FAM167A: variants seen among roughly 807,000 people sequenced by gnomAD.
FAM167A encodes protein FAM167A.
FAM167A carries 23 observed loss-of-function variants against 14.9 expected under a neutral mutation model. The ratio of observed to expected loss-of-function variants is 1.55; its 90% CI spans 1.11 to 2.19. The LOEUF is 2.19. Among genes scored for constraint, FAM167A ranks in the 30% most tolerant of loss-of-function variants. The pLI, the probability that FAM167A is intolerant of heterozygous loss-of-function variation, is 0.00. For synonymous variants in FAM167A, 174 were observed against 117.7 expected (o/e 1.48, Z -3.10); for missense variants, 401 against 281.5 (o/e 1.42, Z -3.04).
At chr8:11,460,985 C>A (rs1049910778) in intron 1 of FAM167A, among the ~76,000 whole-genome samples, 1 of 152,256 alleles carries the variant, frequency 6.6e-6, no homozygotes, top group Non-Finnish European at 1.5e-5. Flanking sequence ...AGTCCTCCTG[C>A]AGGAAGGCTG....
In FAM167A at chr8:11,432,469, ACTC is replaced by A. The variant is rs199841933; in HGVS notation, c.382-7836_382-7834del. 8.5e-3 allele frequency among the ~76,000 whole-genome samples: 1,299 copies of A among 152,326 alleles called. 12 individuals carry two copies. The highest frequency in any genetic ancestry group is 0.029 in the African/African-American group (1,216 of 41,576). ...TGTAGCCAACAGACAAATAAAAAAC[ACTC>A]ATCATCACTGGTCATTAGAGAAATG... On this transcript the variant is annotated intron_variant, in intron 2 of 2. Transcript: ENST00000284486.
At chr8:11,441,372 G>C (rs1003983026) in intron 2 of FAM167A, among the ~76,000 whole-genome samples, 7 of 152,184 alleles carry the variant, frequency 4.6e-5, no homozygotes, top group African/African-American at 1.7e-4. Context: ...TGTCACCTTA[G>C]AGCTTGTTGG....
chr8:11,471,420 T>G (rs1807957677), upstream of FAM167A, among the ~76,000 whole-genome samples: 1 of 152,080 alleles, frequency 6.6e-6, no homozygotes, highest in Non-Finnish European at 1.5e-5. Flanking sequence ...GTTGTTTCTG[T>G]GTTTCTGCTG....
chr8:11,471,047 G>A (rs1278809560), upstream of FAM167A, among the ~76,000 whole-genome samples: 13 of 152,186 alleles, frequency 8.5e-5, no homozygotes, highest in African/African-American at 3.1e-4. Flanking sequence ...TGTGGCGCAC[G>A]TGGCTTTTTG....
At position 11,428,388 on chromosome 8, in the gene FAM167A, A is replaced by T. The variant is rs941454097; in HGVS notation, c.382-3752T>A. Among the ~76,000 whole-genome samples the T allele has an allele frequency of 3.3e-5, 5 of 152,218 alleles. No individual in the cohort carries two copies. The East Asian group carries it at 5.8e-4, about 18-fold the overall frequency. On this transcript the variant is annotated intron_variant, in intron 2 of 2. Transcript: ENST00000284486. ...GTAAGGCCTGTGTCAGTTTCCATGGACTGGACAAAGGCCGCCTGGATGGCG... is the reference window on the plus strand; with the variant it reads ...GTAAGGCCTGTGTCAGTTTCCATGGTCTGGACAAAGGCCGCCTGGATGGCG...
intron 1 of FAM167A, among the ~76,000 whole-genome samples, chr8:11,448,861 G>C (rs1381164926): frequency 1.3e-5 from 2 of 152,228 alleles, no homozygotes; most frequent in African/African-American, 4.8e-5. Context: ...GAGCACCCAG[G>C]CTCAGTCCTT....
chr8:11,446,879 C>T (rs758792454), intron 1 of FAM167A, among the ~76,000 whole-genome samples: 2 of 152,234 alleles, frequency 1.3e-5, no homozygotes, highest in Non-Finnish European at 2.9e-5. Flanking sequence ...TCTGGGGCAG[C>T]TGCACCTACA....
chr8:11,438,097 G>C, intron 2 of FAM167A: 1 of 456,402 alleles, frequency 2.2e-6, no homozygotes, highest in Non-Finnish European at 4.4e-6. Flanking sequence ...CCCCACCCCA[G>C]CACGGAAGCC....
chr8:11,454,783 C>T (rs556616815), intron 1 of FAM167A, among the ~76,000 whole-genome samples: 3 of 152,320 alleles, frequency 2.0e-5, no homozygotes, highest in East Asian at 3.9e-4. Context: ...AAACCCAACA[C>T]TTATCTCACC....
chr8:11,474,049 A>C (rs1280655253), intron 1 of FAM167A, among the ~76,000 whole-genome samples: 2 of 151,692 alleles, frequency 1.3e-5, no homozygotes, highest in Non-Finnish European at 2.9e-5. Flanking sequence ...AATTTTTTGT[A>C]TTTTTAGTAG....
At chr8:11,452,016 G>T (rs1168064063) in intron 1 of FAM167A, among the ~76,000 whole-genome samples, 3 of 152,184 alleles carry the variant, frequency 2.0e-5, no homozygotes, top group African/African-American at 7.2e-5. Flanking sequence ...ATATACAACT[G>T]AGAGCAAACC....
chr8:11,436,855 G>A (rs1806052815), intron 2 of FAM167A, among the ~76,000 whole-genome samples: 1 of 152,210 alleles, frequency 6.6e-6, no homozygotes, highest in South Asian at 2.1e-4. Context: ...CTAGGAAGGT[G>A]TCAGTAGGCT....
intron 1 of FAM167A, among the ~76,000 whole-genome samples, chr8:11,457,478 C>A (rs1234871287): frequency 6.6e-6 from 1 of 152,006 alleles, no homozygotes; most frequent in African/African-American, 2.4e-5. Context: ...CTTCCTGGTG[C>A]TTCCGGAGCT....
In FAM167A at chr8:11,444,893, CTG is replaced by C. The variant is rs1467623066; in HGVS notation, c.-397-87_-397-86del. On this transcript the variant is annotated intron_variant, in intron 1 of 2. Coordinates refer to ENST00000284486, the MANE Select transcript of FAM167A (RefSeq NM_053279.3). ...CACGTCCACTCCACAGGAGGGGAAA[CTG>C]AGGCTCAGAGTGGACTGGTGGCTGC... is the stretch of plus-strand genomic sequence containing the variant. 11 of 963,612 alleles carry C rather than the reference CTG, an allele frequency of 1.1e-5. No individual in the cohort carries two copies. In the East Asian group the frequency reaches 4.6e-4, roughly 40 times the overall value. 59.7% of individuals were successfully genotyped at this position (963,612 alleles called of 1,614,324 possible). A position where few individuals can be genotyped will look rare whatever the true frequency, so the allele number is the denominator to read the frequency against.
At chr8:11,464,663 C>G (rs986581747) in intron 1 of FAM167A, among the ~76,000 whole-genome samples, 10 of 152,332 alleles carry the variant, frequency 6.6e-5, no homozygotes, top group Middle Eastern at 3.4e-3. Flanking sequence ...TGCTCAGTTA[C>G]TCATTTTCCG....
chr8:11,461,699 T>G (rs1563391356), intron 1 of FAM167A, among the ~76,000 whole-genome samples: 1 of 152,218 alleles, frequency 6.6e-6, no homozygotes, highest in Admixed American at 6.5e-5. Context: ...AAGGCAGATC[T>G]AGGACTATTT....
upstream of FAM167A, among the ~76,000 whole-genome samples, chr8:11,467,285 G>A (rs1422265284): frequency 6.6e-6 from 1 of 152,276 alleles, no homozygotes; most frequent in Non-Finnish European, 1.5e-5. Flanking sequence ...ACTAACCACA[G>A]GGTGTCTGTC....
chr8:11,432,109 A>G (rs1315807943), intron 2 of FAM167A, among the ~76,000 whole-genome samples: 1 of 152,056 alleles, frequency 6.6e-6, no homozygotes, highest in Non-Finnish European at 1.5e-5. Flanking sequence ...CTTGGTCTAA[A>G]ACACTGAGTG....
Position 11,424,318 on chromosome 8 carries a change from C to G in FAM167A, c.*55G>C. On this transcript the variant is annotated 3_prime_UTR_variant, in exon 3 of 3. Transcript: ENST00000284486. ...GTAACTTGGCCTCAGCTTCCTCTGA[C>G]ACCCCTCCAGCCCAAGCCCTCCGCT... is the stretch of plus-strand genomic sequence containing the variant. 1 of 1,600,662 alleles carries G rather than the reference C, an allele frequency of 6.2e-7. No homozygotes were observed. Among genetic ancestry groups the G allele is most frequent in the East Asian group, 2.2e-5 (1 of 44,630 alleles).
Sources: gnomAD v4.1 joint callset for allele counts (sites outside exome capture counted in the v4.1 genomes callset) on GRCh38, gnomAD v4.1.1 for gene constraint, MANE v1.5 for transcripts, NCBI Gene and HGNC (gene_info 2026-07-23, HGNC 2026-07-21) for gene names.